The following DNMBP variants were observed in gnomAD, a reference collection of about 807,000 sequenced individuals.
DNMBP encodes dynamin-binding protein.
DNMBP carries 87 observed loss-of-function variants against 150.0 expected under a neutral mutation model. The ratio of observed to expected loss-of-function variants is 0.58; its 90% CI spans 0.49 to 0.69. The LOEUF (loss-of-function observed/expected upper bound fraction) is 0.69. Ranked by LOEUF, DNMBP falls within the 30% of genes least tolerant of loss-of-function variation. The pLI is 0.00. For missense variants in DNMBP, 1,774 were observed against 1,949.0 expected (o/e 0.91, Z 1.69); for synonymous variants, 711 against 750.4 (o/e 0.95, Z 0.86).
intron 15 of DNMBP, among the ~76,000 whole-genome samples, chr10:99,882,260 A>G (rs562771819): frequency 5.3e-5 from 8 of 152,308 alleles, no homozygotes; most frequent in African/African-American, 1.7e-4. Flanking sequence ...CTCAACAGGT[A>G]CAAAGTTAGG....
chr10:99,908,105 G>A lies in DNMBP; in HGVS notation c.2455-11C>T, dbSNP rs1185737273. The A allele has an allele frequency of 7.6e-6, 12 of 1,586,268 alleles. No individual in the cohort carries two copies. Among genetic ancestry groups the A allele is most frequent in the Non-Finnish European group, 9.5e-6 (11 of 1,155,250 alleles). ...ATCAATGTTTGGTACCTGAGAAAAG[G>A]AAACAAAACATAAAAATGCACGGAA... On this transcript the variant is annotated splice_polypyrimidine_tract_variant and intron_variant, in intron 5 of 16. Coordinates refer to ENST00000324109, the MANE Select transcript of DNMBP (RefSeq NM_015221.4).
chr10:99,887,176 C>T (rs1242320429), intron 12 of DNMBP, among the ~76,000 whole-genome samples: 2 of 151,724 alleles, frequency 1.3e-5, no homozygotes, highest in East Asian at 2.0e-4. Context: ...GCAGCCTCAG[C>T]CTCCCAAGAA....
intron 1 of DNMBP, among the ~76,000 whole-genome samples, chr10:100,001,378 A>T (rs1421429797): frequency 2.0e-5 from 3 of 149,478 alleles, no homozygotes; most frequent in Non-Finnish European, 4.4e-5. Context: ...GTGATTAGGG[A>T]AACAAAACAA....
chr10:99,955,379 CA>C lies in DNMBP; in HGVS notation c.2094del (p.Ile698MetfsTer18). The C allele has an allele frequency of 6.2e-7, 1 of 1,614,220 alleles. No individual in the cohort carries two copies. The highest frequency in any genetic ancestry group is 8.5e-7 in the Non-Finnish European group (1 of 1,180,046). ...TSPCPLVLVRIEEMERDLDMY... is the reference protein window; with the variant it reads ...TSPCPLVLVRXEEMERDLDMY... ...ATATCCAAGTCCCGCTCCATTTCCT[CA>C]ATCCTCACCAGCACTAAGGGGCATG... On this transcript the variant is annotated frameshift_variant, in exon 4 of 17. Transcript: ENST00000324109. LOFTEE classifies it high-confidence loss of function.
intron 11 of DNMBP, among the ~76,000 whole-genome samples, chr10:99,889,717 A>C (rs2039527728): frequency 6.6e-6 from 1 of 152,152 alleles, no homozygotes; most frequent in Non-Finnish European, 1.5e-5. Flanking sequence ...AACAAACTAA[A>C]TACTCCATTA....
intron 4 of DNMBP, among the ~76,000 whole-genome samples, chr10:99,951,365 C>A (rs138691154): frequency 0.025 from 3,781 of 152,302 alleles, 92 homozygotes; most frequent in African/African-American, 0.066. Flanking sequence ...CCTACTGGGG[C>A]ACCACCTAGT....
intron 4 of DNMBP, among the ~76,000 whole-genome samples, chr10:99,938,320 G>C (rs757581662): frequency 1.3e-5 from 2 of 152,108 alleles, no homozygotes; most frequent in Admixed American, 6.6e-5. Flanking sequence ...AAGGTGGGCG[G>C]ATCACTTGAG....
chr10:99,877,460 T>A, intron 16 of DNMBP, 124 bp from the exon 17 acceptor site: 3 of 659,848 alleles, frequency 4.5e-6, no homozygotes, highest in South Asian at 4.8e-5. Flanking sequence ...CCCTGAAATA[T>A]GGCCAGTGAG....
intron 1 of DNMBP, among the ~76,000 whole-genome samples, chr10:100,002,494 T>C (rs2041025701): frequency 6.6e-6 from 1 of 152,052 alleles, no homozygotes; most frequent in Non-Finnish European, 1.5e-5. Flanking sequence ...ATCCACAGAG[T>C]AAGGAAACTA....
intron 3 of DNMBP, chr10:99,958,239 TCA>T (rs1278659725): frequency 2.0e-5 from 3 of 152,258 alleles, no homozygotes; most frequent in Non-Finnish European, 4.4e-5. Context: ...AACCATGTAC[TCA>T]CAGTTTTTAA....
intron 14 of DNMBP, among the ~76,000 whole-genome samples, chr10:99,885,187 A>G (rs1281871059): frequency 6.6e-6 from 1 of 152,080 alleles, no homozygotes; most frequent in African/African-American, 2.4e-5. Flanking sequence ...TAATGAACCA[A>G]TGAATTAATA....
intron 15 of DNMBP, among the ~76,000 whole-genome samples, chr10:99,883,161 A>G (rs1276684749): frequency 1.3e-5 from 2 of 152,272 alleles, no homozygotes; most frequent in Non-Finnish European, 1.5e-5. Context: ...AAGTGTTTTT[A>G]GAGCTTTTTG....
chr10:99,955,129 A>C (rs1191687289), intron 4 of DNMBP, 85 bp downstream of exon 4: 1 of 1,156,848 alleles, frequency 8.6e-7, no homozygotes. Flanking sequence ...GAGGATGGTA[A>C]CATATCCCTA....
intron 4 of DNMBP, among the ~76,000 whole-genome samples, chr10:99,934,821 G>A (rs71496505): frequency 0.26 from 29,877 of 112,756 alleles, 4,111 homozygotes; most frequent in African/African-American, 0.34. Context: ...GGAAGAGGCC[G>A]GGCACAGTGG....
At chr10:99,883,638 CAAAAAA>C (rs71009782) in intron 15 of DNMBP, among the ~76,000 whole-genome samples, 14,322 of 64,888 alleles carry the variant, frequency 0.22, 494 homozygotes, top group Middle Eastern at 0.38. Flanking sequence ...AAGACTGCCA[CAAAAAA>C]AAAAAAAAAA....
Position 99,885,873 on chromosome 10 carries a change from T to A in DNMBP, c.3619-7A>T, listed in dbSNP as rs368832478. 1.2e-6 allele frequency: 2 copies of A among 1,606,144 alleles called. No homozygotes were observed. The highest frequency in any genetic ancestry group is 1.7e-6 in the Non-Finnish European group (2 of 1,175,992). On this transcript the variant is annotated splice_region_variant and splice_polypyrimidine_tract_variant and intron_variant, in intron 13 of 16. Transcript: ENST00000324109. ...TGCCAGCCACTTTGAGTAACTGGGGTCCATGGGAAGAGCAGAGATAGAGAA... is the reference window on the plus strand; with the variant it reads ...TGCCAGCCACTTTGAGTAACTGGGGACCATGGGAAGAGCAGAGATAGAGAA...
At chr10:99,988,026 G>T (rs114974397) in intron 1 of DNMBP, among the ~76,000 whole-genome samples, 2,025 of 152,186 alleles carry the variant, frequency 0.013, 23 homozygotes, top group Non-Finnish European at 0.016. Flanking sequence ...AGGCAGGCGG[G>T]GGAAATAGTT....
In DNMBP at chr10:99,879,838, T is replaced by A. The variant is rs1271494168; in HGVS notation, c.4521A>T (p.Pro1507=). ...GGTTGCCTTCTGCCTCACTGCCATC[T>A]GGCTCTGTACTTCTGTCTTCCGGAG... ...AQAPEDRSTE[P]DGSEAEGNQV... is the part of the protein sequence containing the mutation. Residue 1507 remains proline (P), a synonymous_variant, in exon 16 of 17, where the codon CCA becomes CCT. Coordinates refer to ENST00000324109, the MANE Select transcript of DNMBP (RefSeq NM_015221.4). 6.2e-7 allele frequency: 1 copy of A among 1,614,242 alleles called. No homozygotes were observed. The highest frequency in any genetic ancestry group is 1.1e-5 in the South Asian group (1 of 91,082).
chr10:99,913,819 C>T, intron 4 of DNMBP: 2 of 949,616 alleles, frequency 2.1e-6, no homozygotes, highest in South Asian at 4.7e-5. Context: ...CCTTCCCTTG[C>T]CTCAGAAAGC....
Sources: allele counts gnomAD v4.1 joint callset (sites outside exome capture counted in the v4.1 genomes callset), GRCh38; gene constraint gnomAD v4.1.1; transcripts MANE v1.5; gene names NCBI Gene and HGNC (gene_info 2026-07-23, HGNC 2026-07-21).